LIMS1: variants seen among roughly 807,000 people sequenced by gnomAD.
LIMS1 encodes LIM and senescent cell antigen-like-containing domain protein 1.
A neutral mutation model predicts 44.1 loss-of-function variants in LIMS1; 18 were observed. That is an observed-to-expected ratio of 0.41 (90% CI 0.28 to 0.61). The LOEUF (loss-of-function observed/expected upper bound fraction) is 0.61. Among genes scored for constraint, LIMS1 ranks in the 20% least tolerant of loss-of-function variants. The pLI is 0.32. For synonymous variants in LIMS1, 93 were observed against 149.1 expected, an observed-to-expected ratio of 0.62 and a Z score of 2.74; for missense variants, 201 against 422.0, an observed-to-expected ratio of 0.48 and a Z score of 4.59.
At chr2:108,653,532 G>T (rs1347876835) in intron 1 of LIMS1, among the ~76,000 whole-genome samples, 1 of 151,986 alleles carries the variant, frequency 6.6e-6, no homozygotes, top group South Asian at 2.1e-4. Context: ...GTTTTGGTGG[G>T]TGGCACACTG....
At chr2:108,668,474 C>G (rs1255198747) in intron 2 of LIMS1, among the ~76,000 whole-genome samples, 1 of 152,110 alleles carries the variant, frequency 6.6e-6, no homozygotes, top group Non-Finnish European at 1.5e-5. Context: ...AGTATTTGTC[C>G]TTCTGTGCTT....
At chr2:108,552,239 A>G (rs1684771636) in intron 1 of LIMS1, among the ~76,000 whole-genome samples, 1 of 141,666 alleles carries the variant, frequency 7.1e-6, no homozygotes, top group African/African-American at 2.6e-5. Context: ...AGTTATATAT[A>G]CTATATATAC....
intron 1 of LIMS1, among the ~76,000 whole-genome samples, chr2:108,648,253 T>A (rs1265872179): frequency 6.6e-6 from 1 of 152,164 alleles, no homozygotes; most frequent in Non-Finnish European, 1.5e-5. Flanking sequence ...GAATACAACT[T>A]ACAAGGGATG....
intron 2 of LIMS1, among the ~76,000 whole-genome samples, chr2:108,663,327 G>A (rs2148977850): frequency 6.6e-6 from 1 of 152,144 alleles, no homozygotes; most frequent in African/African-American, 2.4e-5. Flanking sequence ...TTGCCCTGTT[G>A]CCCAGGCTGG....
At chr2:108,593,986 G>C (rs1359683349) in intron 1 of LIMS1, among the ~76,000 whole-genome samples, 1 of 152,208 alleles carries the variant, frequency 6.6e-6, no homozygotes, top group African/African-American at 2.4e-5. Context: ...GTTCACACAT[G>C]AAATAGCTAG....
At chr2:108,541,993 G>C (rs1684332132) in intron 1 of LIMS1, among the ~76,000 whole-genome samples, 1 of 152,170 alleles carries the variant, frequency 6.6e-6, no homozygotes, top group Non-Finnish European at 1.5e-5. Context: ...TGGAAGTAAA[G>C]GAATGTCTTA....
At chr2:108,676,781 G>GA (rs1205701095) in intron 7 of LIMS1, 83 bp downstream of exon 7, 1 of 854,582 alleles carries the variant, frequency 1.2e-6, no homozygotes, top group Admixed American at 3.1e-5. Flanking sequence ...AAATCTCTTG[G>GA]AAGATGTACA....
chr2:108,681,276 A>G lies in LIMS1; in HGVS notation c.899+506A>G, dbSNP rs551916405. Reference sequence around the variant, plus strand: ...AGATTGAAATACAAGTATTTGTCCTATGTAGAACTGGTCCTTTTGCATAAC... The same window carrying G: ...AGATTGAAATACAAGTATTTGTCCTGTGTAGAACTGGTCCTTTTGCATAAC... On this transcript the variant is annotated intron_variant, in intron 9 of 9. Transcript: ENST00000544547. 41 of 985,394 alleles carry G rather than the reference A, an allele frequency of 4.2e-5. No individual in the cohort carries two copies. In the East Asian group the frequency reaches 4.5e-4, roughly 11 times the overall value. The allele number at this position is 985,394 out of a possible 1,614,324, so 61.0% of individuals were successfully genotyped here. A position where few individuals can be genotyped will look rare whatever the true frequency, so the allele number is the denominator to read the frequency against.
chr2:108,598,856 GCTCT>G (rs1686855615), intron 1 of LIMS1, among the ~76,000 whole-genome samples: 1 of 151,694 alleles, frequency 6.6e-6, no homozygotes, highest in African/African-American at 2.4e-5. Context: ...TTTTCTCAAG[GCTCT>G]ATAGTAATGA....
Position 108,605,997 on chromosome 2 carries a change from G to A in LIMS1, c.33-53608G>A, listed in dbSNP as rs116269106. Among the ~76,000 whole-genome samples the A allele has an allele frequency of 5.1e-3, 771 of 152,352 alleles. 6 individuals are homozygous for A. Among genetic ancestry groups the A allele is most frequent in the African/African-American group, 0.018 (728 of 41,582 alleles). ...CAACCAGGCCTGGGGGCCAGGCAGC[G>A]TGGCCCTCGGGCCCAAGTACCAGGT... On this transcript the variant is annotated intron_variant, in intron 1 of 9. Coordinates refer to ENST00000544547, the Ensembl canonical transcript of LIMS1.
chr2:108,546,597 C>T, intron 1 of LIMS1, among the ~76,000 whole-genome samples: 1 of 151,682 alleles, frequency 6.6e-6, no homozygotes, highest in Non-Finnish European at 1.5e-5. Context: ...GGCATTCCAT[C>T]ATTAATGTTT....
At chr2:108,533,963 A>C (rs1048471215), upstream of LIMS1, 5 of 152,924 alleles carry the variant, frequency 3.3e-5, no homozygotes, top group Non-Finnish European at 5.8e-5. Context: ...CCTCGCCAGG[A>C]CGGGGCGGAA....
intron 1 of LIMS1, among the ~76,000 whole-genome samples, chr2:108,539,115 ACT>A (rs1684233074): frequency 6.6e-6 from 1 of 152,046 alleles, no homozygotes; most frequent in Non-Finnish European, 1.5e-5. Context: ...ACAAGGTCTC[ACT>A]CTGTCACCCA....
chr2:108,641,893 C>G (rs892286141), intron 1 of LIMS1, among the ~76,000 whole-genome samples: 1 of 152,200 alleles, frequency 6.6e-6, no homozygotes, highest in Non-Finnish European at 1.5e-5. Context: ...TGGGAAGGAA[C>G]TTCCCAGTTT....
At chr2:108,681,199 T>G in intron 9 of LIMS1, 1 of 1,254,684 alleles carries the variant, frequency 8.0e-7, no homozygotes, top group Non-Finnish European at 1.0e-6. Context: ...TGTTTCTGTC[T>G]TTTGCTTTCT....
chr2:108,669,946 T>C (rs1282613955), intron 2 of LIMS1, among the ~76,000 whole-genome samples: 1 of 152,182 alleles, frequency 6.6e-6, no homozygotes, highest in Non-Finnish European at 1.5e-5. Context: ...ATCATTCTAA[T>C]GATAATACAG....
chr2:108,623,667 C>T (rs1289523251), intron 1 of LIMS1, among the ~76,000 whole-genome samples: 1 of 152,242 alleles, frequency 6.6e-6, no homozygotes, highest in Non-Finnish European at 1.5e-5. Context: ...GATTTTCTCT[C>T]CATGAACAAT....
rs888732438 is a variant in LIMS1 at position 108,675,785 on chromosome 2, A to T, written c.531-93A>T. On this transcript the variant is annotated intron_variant, in intron 5 of 9. Coordinates refer to ENST00000544547, the Ensembl canonical transcript of LIMS1. ...GAAATTTGCAGGGATTGTCATAGTA[A>T]TGTCTTTAAAAACCTTCTAAAAAGT... The T allele has an allele frequency of 3.4e-6, 5 of 1,476,942 alleles. No individual in the cohort carries two copies. The African/African-American group carries it at 5.6e-5, about 16-fold the overall frequency. 91.5% of individuals were successfully genotyped at this position (1,476,942 alleles called of 1,614,324 possible). A position where few individuals can be genotyped will look rare whatever the true frequency, so the allele number is the denominator to read the frequency against.
intron 1 of LIMS1, among the ~76,000 whole-genome samples, chr2:108,583,948 C>T (rs2104662384): frequency 6.6e-6 from 1 of 152,176 alleles, no homozygotes; most frequent in South Asian, 2.1e-4. Flanking sequence ...ACCGCCTCGG[C>T]CTCCCAAAGT....
Sources: allele counts gnomAD v4.1 joint callset (sites outside exome capture counted in the v4.1 genomes callset), GRCh38; gene constraint gnomAD v4.1.1; transcripts MANE v1.5; gene names NCBI Gene and HGNC (gene_info 2026-07-23, HGNC 2026-07-21).